The following ASB3 variants were observed in gnomAD, a reference collection of about 807,000 sequenced individuals.
ASB3 encodes ankyrin repeat and SOCS box containing 3, also known as ankyrin repeat and SOCS box protein 3.
A neutral mutation model predicts 54.5 loss-of-function variants in ASB3; 41 were observed. The observed-to-expected ratio is 0.75, with a 90% CI of 0.59 to 0.98. ASB3 has a LOEUF of 0.98. Ranked by LOEUF, ASB3 falls within the 50% of genes least tolerant of loss-of-function variation. The pLI is 0.00. For missense variants in ASB3, 733 were observed against 620.0 expected, an observed-to-expected ratio of 1.18 and a Z score of -1.94; for synonymous variants, 266 against 221.2, an observed-to-expected ratio of 1.20 and a Z score of -1.80.
chr2:53,712,230 T>A (rs1247746720), intron 7 of ASB3, among the ~76,000 whole-genome samples: 8 of 147,312 alleles, frequency 5.4e-5, no homozygotes, highest in East Asian at 4.0e-4. Flanking sequence ...AAAAAAAAAA[T>A]ACATTAAAAA....
At chr2:53,685,707 A>C (rs1668596539) in intron 9 of ASB3, among the ~76,000 whole-genome samples, 1 of 152,216 alleles carries the variant, frequency 6.6e-6, no homozygotes, top group Non-Finnish European at 1.5e-5. Flanking sequence ...TGTCTCCTCC[A>C]GATGAATTCT....
At chr2:53,756,231 C>G (rs1018980412) in intron 2 of ASB3, among the ~76,000 whole-genome samples, 5 of 152,008 alleles carry the variant, frequency 3.3e-5, no homozygotes, top group African/African-American at 7.2e-5. Context: ...AAAGGGAAAT[C>G]CTGCCTGTCT....
intron 1 of ASB3, among the ~76,000 whole-genome samples, chr2:53,769,583 C>A (rs1350283497): frequency 6.6e-6 from 1 of 152,166 alleles, no homozygotes; most frequent in African/African-American, 2.4e-5. Context: ...GTGGTGGTTC[C>A]CGCCTATAAT....
intron 1 of ASB3, among the ~76,000 whole-genome samples, chr2:53,785,433 T>C (rs1277454539): frequency 6.8e-6 from 1 of 147,972 alleles, no homozygotes; most frequent in East Asian, 2.0e-4. Context: ...GAATAAATGC[T>C]AAAAAAAAAA....
chr2:53,686,023 G>A lies in ASB3; in HGVS notation c.1369+7861C>T, dbSNP rs569544979. Among the ~76,000 whole-genome samples, 27 of 152,346 alleles carry A rather than the reference G, an allele frequency of 1.8e-4. No individual in the cohort carries two copies. In the East Asian group the frequency reaches 5.0e-3, roughly 28 times the overall value. On this transcript the variant is annotated intron_variant, in intron 9 of 9. Coordinates refer to ENST00000263634, the MANE Select transcript of ASB3 (RefSeq NM_016115.5). The stretch of plus-strand genomic sequence containing the variant: ...AGATAGAAGAGGCAAGAGGGATGCA[G>A]AAGTGAGGTTCTGGTGCTACCTTTA...
At chr2:53,751,031 C>A in intron 2 of ASB3, 90 bp from the exon 3 acceptor site, 1 of 1,357,094 alleles carries the variant, frequency 7.4e-7, no homozygotes, top group Non-Finnish European at 9.6e-7. Flanking sequence ...ATTTAATGAA[C>A]TATTAAAATG....
intron 9 of ASB3, among the ~76,000 whole-genome samples, chr2:53,687,271 A>C (rs2103696814): frequency 6.6e-6 from 1 of 152,320 alleles, no homozygotes; most frequent in Non-Finnish European, 1.5e-5. Flanking sequence ...AAACAAAAAC[A>C]AAAACAAAAA....
At chr2:53,736,647 C>T (rs1447060117) in intron 3 of ASB3, among the ~76,000 whole-genome samples, 7 of 150,576 alleles carry the variant, frequency 4.6e-5, no homozygotes, top group African/African-American at 1.5e-4. Flanking sequence ...TGCAGTGAGC[C>T]GAAATCGCGC....
intron 3 of ASB3, among the ~76,000 whole-genome samples, chr2:53,749,520 C>A (rs762266445): frequency 6.6e-6 from 1 of 152,016 alleles, no homozygotes; most frequent in Non-Finnish European, 1.5e-5. Flanking sequence ...GAGATTTAGT[C>A]GTAACCACTA....
chr2:53,758,013 AGAGAGAGAGAAAAGAGAGG>A (rs1469438523), intron 2 of ASB3, among the ~76,000 whole-genome samples: 8 of 152,062 alleles, frequency 5.3e-5, no homozygotes, highest in Non-Finnish European at 1.2e-4. Context: ...GAAGAGACAG[AGAGAGAGAGAAAAGAGAGG>A]GAGAGAGAGA....
rs753927308 is a variant in ASB3 at position 53,771,967 on chromosome 2, T to C, written c.-13-6382A>G. The C allele has an allele frequency of 9.2e-6, 12 of 1,301,318 alleles. 1 individual carries two copies. The South Asian group carries it at 1.8e-4, about 19-fold the overall frequency. 80.6% of individuals were successfully genotyped at this position (1,301,318 alleles called of 1,614,324 possible). The stretch of plus-strand genomic sequence containing the variant: ...GGTATGGTATAAATATTCTTTTTTG[T>C]ATAATTTTAATTTTATAAAATGTTG... On this transcript the variant is annotated intron_variant, in intron 1 of 9. Transcript: ENST00000263634.
At chr2:53,683,510 T>C (rs1668486728) in intron 9 of ASB3, among the ~76,000 whole-genome samples, 1 of 152,120 alleles carries the variant, frequency 6.6e-6, no homozygotes, top group Non-Finnish European at 1.5e-5. Context: ...CATTTGGAAA[T>C]ATTTCCTCCT....
intron 9 of ASB3, among the ~76,000 whole-genome samples, chr2:53,679,616 G>A (rs1330713263): frequency 6.6e-6 from 1 of 152,018 alleles, no homozygotes. Flanking sequence ...AGACCCTCTT[G>A]ATCTATAAAA....
chr2:53,714,684 T>C (rs1670289941), intron 6 of ASB3, 103 bp from the exon 7 acceptor site: 4 of 1,170,846 alleles, frequency 3.4e-6, no homozygotes, highest in African/African-American at 1.5e-5. Flanking sequence ...AACTGATTCA[T>C]TTAAAGAAAT....
intron 2 of ASB3, among the ~76,000 whole-genome samples, chr2:53,753,701 A>T (rs1672658873): frequency 6.7e-6 from 1 of 150,020 alleles, no homozygotes; most frequent in Admixed American, 6.7e-5. Flanking sequence ...CAGTGGCGTG[A>T]TCTCAGCTCA....
At chr2:53,750,683 C>T (rs991121872) in intron 3 of ASB3, 100 bp downstream of exon 3, 4 of 1,265,792 alleles carry the variant, frequency 3.2e-6, no homozygotes, top group Middle Eastern at 2.4e-4. Flanking sequence ...GCCAAAAGAA[C>T]ATACTATAAG....
At position 53,670,546 on chromosome 2, in the gene ASB3, C is replaced by T; in HGVS notation, c.1514G>A (p.Arg505Lys). ...HNYLLYEDVLRMYEVPELAAI... is the reference protein window; with the variant it reads ...HNYLLYEDVLKMYEVPELAAI... ...TGCCAGTTCTGGAACTTCATACATC[C>T]TCAGAACGTCTTCATAGAGCAAATA... Residue 505 changes from arginine (R) to lysine (K), a missense_variant, in exon 10 of 10, where the codon AGG (arginine) becomes AAG (lysine). Coordinates refer to ENST00000263634, the MANE Select transcript of ASB3 (RefSeq NM_016115.5). 1.2e-6 allele frequency: 2 copies of T among 1,613,850 alleles called. No individual in the cohort carries two copies. The highest frequency in any genetic ancestry group is 1.7e-5 in the Admixed American group (1 of 59,988).
intron 7 of ASB3, among the ~76,000 whole-genome samples, chr2:53,710,900 G>A (rs1175340598): frequency 2.0e-5 from 3 of 152,014 alleles, no homozygotes; most frequent in Admixed American, 1.3e-4. Context: ...GCCAAGGCAG[G>A]GAGATCACCT....
At chr2:53,689,628 T>A (rs1183593568) in intron 9 of ASB3, among the ~76,000 whole-genome samples, 1 of 152,182 alleles carries the variant, frequency 6.6e-6, no homozygotes, top group Admixed American at 6.5e-5. Context: ...ACAGATGATT[T>A]ATCTTGAAGG....
Sources: gnomAD v4.1 joint callset for allele counts (sites outside exome capture counted in the v4.1 genomes callset) on GRCh38, gnomAD v4.1.1 for gene constraint, MANE v1.5 for transcripts, NCBI Gene and HGNC (gene_info 2026-07-23, HGNC 2026-07-21) for gene names.